Variants in RCL1 observed in about 807,000 individuals in gnomAD.
The protein encoded by RCL1 is RNA 3'-terminal phosphate cyclase-like protein.
RCL1 carries 24 observed loss-of-function variants against 42.4 expected under a neutral mutation model. That is an observed-to-expected ratio of 0.57 (90% CI 0.41 to 0.80). RCL1 has a LOEUF of 0.80. Among genes scored for constraint, RCL1 ranks in the 30% least tolerant of loss-of-function variants. The probability of loss-of-function intolerance (pLI) is 0.00; values close to 1 mark genes in which losing one functional copy is unlikely to be tolerated. For missense variants in RCL1, 578 were observed against 467.9 expected (o/e 1.24, Z -2.17); for synonymous variants, 228 against 177.3 (o/e 1.29, Z -2.27).
chr9:4,844,438 A>C lies in RCL1; in HGVS notation c.711-87A>C. 4 of 1,050,702 alleles carry C rather than the reference A, an allele frequency of 3.8e-6. No individual in the cohort carries two copies. In the East Asian group the frequency reaches 1.0e-4, roughly 27 times the overall value. The allele number at this position is 1,050,702 out of a possible 1,614,324, so 65.1% of individuals were successfully genotyped here. A position where few individuals can be genotyped will look rare whatever the true frequency, so the allele number is the denominator to read the frequency against. On this transcript the variant is annotated intron_variant, in intron 6 of 8. Coordinates refer to ENST00000381750, the MANE Select transcript of RCL1 (RefSeq NM_005772.5). ...CCTTTGAACACAGTGCCGTCAAAAA[A>C]AATGTTTGTCTTCTCTTTCCGTTTG...
Position 4,817,912 on chromosome 9 carries a change from ATTTT to A in RCL1, c.137-5614_137-5611del, listed in dbSNP as rs66886360. ...TTCATTTTGCTCTTACTTTTCTAAGATTTTTTTTTTTTTTTTTTTTTTTTTGAGA... is the reference window on the plus strand; with the variant it reads ...TTCATTTTGCTCTTACTTTTCTAAGATTTTTTTTTTTTTTTTTTTTTGAGA... On this transcript the variant is annotated intron_variant, in intron 1 of 8. Transcript: ENST00000381750. Among the ~76,000 whole-genome samples the A allele has an allele frequency of 2.0e-4, 16 of 78,364 alleles. 1 individual carries two copies. The South Asian group carries it at 4.1e-3, about 20-fold the overall frequency. The allele number at this position is 78,364 out of a possible 152,430, so 51.4% of individuals were successfully genotyped here.
chr9:4,837,038 G>A (rs1482791272), intron 5 of RCL1, among the ~76,000 whole-genome samples: 3 of 152,142 alleles, frequency 2.0e-5, no homozygotes, highest in African/African-American at 7.2e-5. Context: ...CCAGGTTGAT[G>A]CATAGTTACA....
chr9:4,844,808 T>C, intron 7 of RCL1, 127 bp downstream of exon 7: 1 of 921,632 alleles, frequency 1.1e-6, no homozygotes, highest in South Asian at 1.7e-5. Flanking sequence ...TCCTGTGCAT[T>C]AAGCAGTTCA....
chr9:4,826,078 A>AAAG (rs1563841781), intron 2 of RCL1, among the ~76,000 whole-genome samples: 3 of 151,548 alleles, frequency 2.0e-5, no homozygotes, highest in African/African-American at 7.3e-5. Context: ...ATAAAGAAAA[A>AAAG]AAAGAAAGAA....
intron 5 of RCL1, chr9:4,839,711 A>G (rs1455591492): frequency 1.0e-6 from 1 of 984,746 alleles, no homozygotes; most frequent in Admixed American, 6.1e-5. Context: ...CTTTGAGTCA[A>G]GTTAAATATT....
intron 7 of RCL1, 125 bp downstream of exon 7, chr9:4,844,806 A>T: frequency 1.1e-6 from 1 of 938,026 alleles, no homozygotes; most frequent in Non-Finnish European, 1.6e-6. Context: ...GTTCCTGTGC[A>T]TTAAGCAGTT....
At chr9:4,795,771 G>A (rs537488023) in intron 1 of RCL1, among the ~76,000 whole-genome samples, 4 of 152,272 alleles carry the variant, frequency 2.6e-5, no homozygotes, top group Non-Finnish European at 4.4e-5. Flanking sequence ...GGAGGCTTTC[G>A]GCCTCAGGAA....
intron 6 of RCL1, among the ~76,000 whole-genome samples, chr9:4,844,063 A>T (rs1374901899): frequency 6.6e-6 from 1 of 152,086 alleles, no homozygotes; most frequent in Non-Finnish European, 1.5e-5. Flanking sequence ...TAGTTCTTCT[A>T]TATAGTGAGC....
At chr9:4,827,421 C>T (rs868581146) in intron 3 of RCL1, 4 of 493,472 alleles carry the variant, frequency 8.1e-6, no homozygotes, top group African/African-American at 1.9e-5. Flanking sequence ...GATCATAGCT[C>T]CTTGGCATTG....
chr9:4,808,868 T>C (rs1281878399), intron 1 of RCL1, among the ~76,000 whole-genome samples: 1 of 152,252 alleles, frequency 6.6e-6, no homozygotes, highest in African/African-American at 2.4e-5. Flanking sequence ...TGATTTCATT[T>C]TTATATTATA....
intron 8 of RCL1, among the ~76,000 whole-genome samples, chr9:4,851,839 T>G (rs574381177): frequency 6.6e-6 from 1 of 151,890 alleles, no homozygotes; most frequent in Non-Finnish European, 1.5e-5. Context: ...TTGCTGTTGG[T>G]GGTTTTCTGT....
intron 8 of RCL1, among the ~76,000 whole-genome samples, chr9:4,859,713 C>G (rs1818093784): frequency 6.6e-6 from 1 of 152,032 alleles, no homozygotes; most frequent in Non-Finnish European, 1.5e-5. Context: ...ACCCATAGTC[C>G]CAGGTAGTCA....
At chr9:4,848,852 A>T (rs1817611128) in intron 7 of RCL1, among the ~76,000 whole-genome samples, 1 of 152,322 alleles carries the variant, frequency 6.6e-6, no homozygotes, top group South Asian at 2.1e-4. Flanking sequence ...AGTAGTAAGA[A>T]TAAAGGGATC....
At chr9:4,807,584 A>G (rs894471595) in intron 1 of RCL1, among the ~76,000 whole-genome samples, 2 of 152,140 alleles carry the variant, frequency 1.3e-5, no homozygotes, top group African/African-American at 4.8e-5. Flanking sequence ...CAATGGCATG[A>G]TCTCAGCTCA....
chr9:4,807,793 A>G (rs1484713739), intron 1 of RCL1, among the ~76,000 whole-genome samples: 1 of 152,226 alleles, frequency 6.6e-6, no homozygotes, highest in Non-Finnish European at 1.5e-5. Flanking sequence ...TGCTGGGATT[A>G]CAGGCGTGAG....
intron 1 of RCL1, among the ~76,000 whole-genome samples, chr9:4,814,871 C>G (rs186477376): frequency 5.5e-4 from 83 of 151,376 alleles, no homozygotes; most frequent in Middle Eastern, 6.8e-3. Context: ...TGAAGGATAG[C>G]TTTTTTGGGT....
intron 1 of RCL1, among the ~76,000 whole-genome samples, chr9:4,807,597 A>G (rs1816021563): frequency 6.6e-6 from 1 of 152,034 alleles, no homozygotes; most frequent in African/African-American, 2.4e-5. Context: ...TCAGCTCACC[A>G]CAACCTTCGC....
At chr9:4,849,702 G>T in intron 8 of RCL1, 152 bp downstream of exon 8, 3 of 592,730 alleles carry the variant, frequency 5.1e-6, no homozygotes, top group Non-Finnish European at 9.0e-6. Context: ...CTCTTAACCT[G>T]GTGTTTATTT....
At chr9:4,793,840 A>G (rs929145240) in intron 1 of RCL1, among the ~76,000 whole-genome samples, 1 of 152,224 alleles carries the variant, frequency 6.6e-6, no homozygotes, top group Admixed American at 6.5e-5. Context: ...TTTGAGATAG[A>G]CTTTTAACAG....
Sources: gnomAD v4.1 joint callset for allele counts (sites outside exome capture counted in the v4.1 genomes callset) on GRCh38, gnomAD v4.1.1 for gene constraint, MANE v1.5 for transcripts, NCBI Gene and HGNC (gene_info 2026-07-23, HGNC 2026-07-21) for gene names.